The following ERBB4 variants were observed in gnomAD, a reference collection of about 807,000 sequenced individuals.
ERBB4 encodes the protein receptor tyrosine-protein kinase erbB-4.
A neutral mutation model predicts 158.0 loss-of-function variants in ERBB4; 42 were observed. The observed-to-expected ratio is 0.27, with a 90% CI of 0.21 to 0.34. The LOEUF (loss-of-function observed/expected upper bound fraction) is 0.34. Ranked by LOEUF, ERBB4 falls within the 10% of genes least tolerant of loss-of-function variation. The pLI, the probability that ERBB4 is intolerant of heterozygous loss-of-function variation, is 1.00. For synonymous variants in ERBB4, 583 were observed against 558.7 expected, an observed-to-expected ratio of 1.04 and a Z score of -0.61; for missense variants, 1,333 against 1,624.1, an observed-to-expected ratio of 0.82 and a Z score of 3.08.
intron 3 of ERBB4, among the ~76,000 whole-genome samples, chr2:211,903,593 T>G (rs924209126): frequency 1.3e-5 from 2 of 152,072 alleles, no homozygotes; most frequent in Non-Finnish European, 2.9e-5. Context: ...TTTGCACACA[T>G]GGTTTCTATT....
At chr2:211,612,150 T>TAGAA (rs1215338049) in intron 19 of ERBB4, among the ~76,000 whole-genome samples, 1 of 152,004 alleles carries the variant, frequency 6.6e-6, no homozygotes, top group Non-Finnish European at 1.5e-5. Context: ...TAAATAAAGA[T>TAGAA]AGAACAATTG....
At chr2:211,672,433 T>G (rs761727180) in intron 14 of ERBB4, among the ~76,000 whole-genome samples, 75 of 152,190 alleles carry the variant, frequency 4.9e-4, no homozygotes, top group Non-Finnish European at 9.7e-4. Flanking sequence ...AAAATAATTA[T>G]AATTTTCTCT....
intron 1 of ERBB4, among the ~76,000 whole-genome samples, chr2:212,165,326 T>A (rs1385069206): frequency 2.0e-5 from 3 of 149,450 alleles, no homozygotes; most frequent in Non-Finnish European, 4.5e-5. Flanking sequence ...ATATATATAT[T>A]TACTGAGATT....
At chr2:211,478,307 C>T (rs2065005146) in intron 20 of ERBB4, among the ~76,000 whole-genome samples, 1 of 152,166 alleles carries the variant, frequency 6.6e-6, no homozygotes, top group African/African-American at 2.4e-5. Flanking sequence ...AGTATTTCAA[C>T]AGCTTCGGGA....
intron 1 of ERBB4, among the ~76,000 whole-genome samples, chr2:212,299,053 T>C (rs1349887754): frequency 1.5e-4 from 23 of 151,728 alleles, no homozygotes; most frequent in Admixed American, 1.4e-3. Flanking sequence ...TTAAAGGCTT[T>C]ATATAAATTA....
chr2:211,759,576 C>T (rs1017875237), intron 4 of ERBB4, among the ~76,000 whole-genome samples: 23 of 152,132 alleles, frequency 1.5e-4, no homozygotes, highest in African/African-American at 5.3e-4. Context: ...TCCTCTTCCT[C>T]TCCTCCTCTA....
At chr2:211,483,409 T>C (rs2125553090) in intron 20 of ERBB4, among the ~76,000 whole-genome samples, 1 of 152,258 alleles carries the variant, frequency 6.6e-6, no homozygotes, top group African/African-American at 2.4e-5. Context: ...ATCATAATCA[T>C]AATTAAATTG....
rs138409996 is a variant in ERBB4, at chr2:211,586,276, C to A, written c.2302-24188G>T. On this transcript the variant is annotated intron_variant, in intron 19 of 27. Transcript: ENST00000342788. Reference sequence around the variant, plus strand: ...CAAGAAAAATATTTGTAATTTTTATCATAAAAACTAATCTCTTTAACATAT... The same window carrying A: ...CAAGAAAAATATTTGTAATTTTTATAATAAAAACTAATCTCTTTAACATAT... 5.1e-3 allele frequency among the ~76,000 whole-genome samples: 780 copies of A among 152,052 alleles called. 7 individuals carry two copies. Among genetic ancestry groups the A allele is most frequent in the African/African-American group, 0.018 (742 of 41,488 alleles).
Position 211,593,730 on chromosome 2 carries a change from A to G in ERBB4, c.2301+25447T>C, listed in dbSNP as rs140019065. ...CAGAGATAGGTTTATTTATTGATAC[A>G]CTATGTGCAAAACAACCACCACCCT... On this transcript the variant is annotated intron_variant, in intron 19 of 27. Transcript: ENST00000342788. Among the ~76,000 whole-genome samples the G allele has an allele frequency of 1.0e-3, 153 of 152,322 alleles. 1 individual carries two copies. Among genetic ancestry groups the G allele is most frequent in the Middle Eastern group, 3.4e-3 (1 of 294 alleles).
intron 19 of ERBB4, among the ~76,000 whole-genome samples, chr2:211,568,624 A>ACC (rs2067622809): frequency 6.6e-6 from 1 of 152,166 alleles, no homozygotes; most frequent in Non-Finnish European, 1.5e-5. Flanking sequence ...TTAATGCAAT[A>ACC]CCCTCCAGCT....
intron 20 of ERBB4, among the ~76,000 whole-genome samples, chr2:211,544,172 C>T (rs1319564830): frequency 2.0e-5 from 3 of 152,004 alleles, no homozygotes; most frequent in Admixed American, 6.6e-5. Flanking sequence ...AGGACAATTA[C>T]AAGAGCAGCT....
intron 20 of ERBB4, among the ~76,000 whole-genome samples, chr2:211,548,765 A>G (rs2067005834): frequency 6.6e-6 from 1 of 152,052 alleles, no homozygotes; most frequent in African/African-American, 2.4e-5. Context: ...GAGGATCTAG[A>G]GAATCCTTAG....
chr2:212,156,435 T>C (rs779044119), intron 1 of ERBB4, among the ~76,000 whole-genome samples: 3 of 152,090 alleles, frequency 2.0e-5, no homozygotes, highest in Admixed American at 6.6e-5. Context: ...ATAATTCGGT[T>C]CATCCCTCCA....
intron 20 of ERBB4, among the ~76,000 whole-genome samples, chr2:211,548,701 C>T (rs549512637): frequency 2.4e-4 from 37 of 152,116 alleles, no homozygotes; most frequent in Non-Finnish European, 4.7e-4. Context: ...GCTTATGTTT[C>T]CGTTTCCCCA....
chr2:211,418,775 A>C (rs566859328), intron 25 of ERBB4, among the ~76,000 whole-genome samples: 1 of 152,204 alleles, frequency 6.6e-6, no homozygotes, highest in Admixed American at 6.5e-5. Context: ...CATTTTGCAA[A>C]GTGTACAGAG....
At chr2:211,944,163 A>ATT (rs2080591455) in intron 3 of ERBB4, among the ~76,000 whole-genome samples, 1 of 59,358 alleles carries the variant, frequency 1.7e-5, no homozygotes, top group Non-Finnish European at 3.9e-5. Context: ...ATATATATAC[A>ATT]CTATATATAT....
At position 211,651,330 on chromosome 2, in the gene ERBB4, C is replaced by A. The variant is rs143112958; in HGVS notation, c.1946+6424G>T. 1.6e-3 allele frequency among the ~76,000 whole-genome samples: 245 copies of A among 152,196 alleles called. 1 individual carries two copies. Among genetic ancestry groups the A allele is most frequent in the African/African-American group, 5.1e-3 (213 of 41,532 alleles). ...GTTGCATGACACACAGAATAATAAT[C>A]AAGTTTCCTTCAGGACAAGAAAAAA... On this transcript the variant is annotated intron_variant, in intron 16 of 27. Coordinates refer to ENST00000342788, the MANE Select transcript of ERBB4 (RefSeq NM_005235.3).
rs75908903 is a variant in ERBB4, at chr2:212,529,299, T to A, written c.82+9150A>T. On this transcript the variant is annotated intron_variant, in intron 1 of 27. Transcript: ENST00000342788. ...CATTAAAATACTGAACTACAAAATA[T>A]TTACATGTTTAAAAGTGGTATCCAC... is the stretch of plus-strand genomic sequence containing the variant. Among the ~76,000 whole-genome samples the A allele has an allele frequency of 5.3e-3, 804 of 152,242 alleles. 14 individuals carry two copies. Among genetic ancestry groups the A allele is most frequent in the African/African-American group, 0.018 (753 of 41,552 alleles).
At chr2:212,267,511 A>G (rs2106107260) in intron 1 of ERBB4, among the ~76,000 whole-genome samples, 1 of 151,694 alleles carries the variant, frequency 6.6e-6, no homozygotes, top group Admixed American at 6.6e-5. Flanking sequence ...TAGTAGAGAA[A>G]CTCAGCATTG....
Sources: allele counts gnomAD v4.1 joint callset (sites outside exome capture counted in the v4.1 genomes callset), GRCh38; gene constraint gnomAD v4.1.1; transcripts MANE v1.5; gene names NCBI Gene and HGNC (gene_info 2026-07-23, HGNC 2026-07-21).